UBN2: variants seen among roughly 807,000 people sequenced by gnomAD.
UBN2 encodes ubinuclein 2, also known as ubinuclein-2.
UBN2 carries 35 observed loss-of-function variants against 120.2 expected under a neutral mutation model. That is an observed-to-expected ratio of 0.29 (90% CI 0.22 to 0.39). The LOEUF (loss-of-function observed/expected upper bound fraction) is 0.39, where lower values mean the gene tolerates loss of function less well. UBN2 is among the 10% of genes least tolerant of loss of function. The pLI, the probability that UBN2 is intolerant of heterozygous loss-of-function variation, is 1.00. For synonymous variants in UBN2, 661 were observed against 648.7 expected (o/e 1.02, Z -0.29); for missense variants, 1,693 against 1,663.2 (o/e 1.02, Z -0.31).
intron 2 of UBN2, among the ~76,000 whole-genome samples, chr7:139,250,255 C>T: frequency 6.6e-6 from 1 of 151,860 alleles, no homozygotes; most frequent in Admixed American, 6.6e-5. Context: ...CTTTTGGAGA[C>T]AGAGTCTCGC....
chr7:139,311,100 T>C (rs1280446675), downstream of UBN2, among the ~76,000 whole-genome samples: 2 of 152,224 alleles, frequency 1.3e-5, no homozygotes, highest in East Asian at 3.8e-4. Flanking sequence ...CTTTGAGAAA[T>C]ACTTGAGAAA....
chr7:139,284,656 T>G, intron 15 of UBN2, 82 bp downstream of exon 15: 1 of 1,224,946 alleles, frequency 8.2e-7, no homozygotes, highest in African/African-American at 1.5e-5. Flanking sequence ...TAATAAGCTT[T>G]TTATGATATG....
chr7:139,284,237 A>G lies in UBN2; in HGVS notation c.3332A>G (p.His1111Arg). 1 of 1,614,172 alleles carries G rather than the reference A, an allele frequency of 6.2e-7. No individual in the cohort carries two copies. Among genetic ancestry groups the G allele is most frequent in the East Asian group, 2.2e-5 (1 of 44,886 alleles). ...GSHSSTNSPVHKQPSGMNISR... is the reference protein window; with the variant it reads ...GSHSSTNSPVRKQPSGMNISR... ...CACTCCAGCACTAACAGCCCAGTCC[A>G]TAAACAGCCCAGTGGAATGAACATC... Residue 1111 changes from histidine to arginine, a missense_variant, in exon 15 of 18, where the codon CAT becomes CGT. This residue lies in a region of UBN2 where 837 missense variants were observed against 817.6 expected (regional missense o/e 1.02). Transcript: ENST00000473989.
At chr7:139,252,092 A>G in intron 3 of UBN2, 35 bp downstream of exon 3, 1 of 1,549,274 alleles carries the variant, frequency 6.5e-7, no homozygotes, top group Non-Finnish European at 8.9e-7. Context: ...CAGCAAATTC[A>G]TTGTTTGTAT....
At chr7:139,269,806 CCTT>C (rs1797209848) in intron 8 of UBN2, among the ~76,000 whole-genome samples, 2 of 152,062 alleles carry the variant, frequency 1.3e-5, no homozygotes, top group South Asian at 4.1e-4. Context: ...TAAGTACTCA[CCTT>C]TTTTTTTTTC....
chr7:139,327,348 A>G, the UBN2 span, among the ~76,000 whole-genome samples: 2 of 152,224 alleles, frequency 1.3e-5, no homozygotes, highest in East Asian at 3.8e-4. Context: ...CCAACATTTT[A>G]TTATTTACTC....
chr7:139,293,908 G>A lies in UBN2; in HGVS notation c.3921G>A (p.Gln1307=), dbSNP rs1268791690. Residue 1307 remains glutamine, a synonymous_variant, in exon 17 of 18, where the codon CAG becomes CAA. Transcript: ENST00000473989. ...TCTCAGATTTACTAAAGGGTTTACA[G>A]CCAGGAGGAGCTCAGCATGCAGCAA... is the stretch of plus-strand genomic sequence containing the variant. ...SLTQNLLKGL[Q]PGGAQHAATL... 11 of 1,614,080 alleles carry A rather than the reference G, an allele frequency of 6.8e-6. No homozygotes were observed. The highest frequency in any genetic ancestry group is 9.3e-6 in the Non-Finnish European group (11 of 1,179,984).
intron 10 of UBN2, among the ~76,000 whole-genome samples, chr7:139,273,676 A>G (rs1226927277): frequency 6.6e-6 from 1 of 152,184 alleles, no homozygotes; most frequent in Non-Finnish European, 1.5e-5. Context: ...TACTTTCAAC[A>G]TATTTCTTCT....
chr7:139,260,332 A>G (rs181331697), intron 5 of UBN2, among the ~76,000 whole-genome samples: 2 of 151,694 alleles, frequency 1.3e-5, no homozygotes, highest in African/African-American at 4.9e-5. Context: ...TCCTGGGCTC[A>G]AGTGATTCAC....
the UBN2 span, among the ~76,000 whole-genome samples, chr7:139,322,519 C>T: frequency 6.6e-6 from 1 of 152,092 alleles, no homozygotes; most frequent in Admixed American, 6.6e-5. Flanking sequence ...GCCATGTCCC[C>T]TGGCCCTCTT....
At chr7:139,293,651 T>G in intron 16 of UBN2, 188 bp downstream of exon 16, 2 of 650,948 alleles carry the variant, frequency 3.1e-6, no homozygotes, top group Non-Finnish European at 5.2e-6. Context: ...ATATACAGTT[T>G]TTAAGCTATC....
At chr7:139,260,371 T>A (rs1296437630) in intron 5 of UBN2, among the ~76,000 whole-genome samples, 1 of 152,228 alleles carries the variant, frequency 6.6e-6, no homozygotes, top group Non-Finnish European at 1.5e-5. Context: ...GTGCTGAGAT[T>A]ACAGGCATGA....
Position 139,246,499 on chromosome 7 carries a change from G to C in UBN2, c.562-5457G>C, listed in dbSNP as rs530022702. Among the ~76,000 whole-genome samples the C allele has an allele frequency of 3.3e-4, 51 of 152,302 alleles. 2 individuals carry two copies. Among genetic ancestry groups the C allele is most frequent in the African/African-American group, 1.1e-3 (46 of 41,552 alleles). ...AGATATGGTTAATCATGGCAACAAA[G>C]ATTTATGGGGAGAGACACTTGGAAG... is the stretch of plus-strand genomic sequence containing the variant. On this transcript the variant is annotated intron_variant, in intron 2 of 17. Coordinates refer to ENST00000473989, the MANE Select transcript of UBN2 (RefSeq NM_173569.4).
At chr7:139,321,538 C>T in the UBN2 span, among the ~76,000 whole-genome samples, 1 of 152,172 alleles carries the variant, frequency 6.6e-6, no homozygotes, top group African/African-American at 2.4e-5. Flanking sequence ...GAAAGGGAGA[C>T]AGCCTTGTTC....
In UBN2 at chr7:139,231,781, C is replaced by T. The variant is rs2130916564; in HGVS notation, c.297C>T (p.Phe99=). The T allele has an allele frequency of 1.5e-6, 2 of 1,293,170 alleles. No individual in the cohort carries two copies. Among genetic ancestry groups the T allele is most frequent in the South Asian group, 2.5e-5 (1 of 39,942 alleles). 80.1% of individuals were successfully genotyped at this position (1,293,170 alleles called of 1,614,324 possible). Residue 99 remains phenylalanine, a synonymous_variant, in exon 1 of 18, where the codon TTC becomes TTT. Transcript: ENST00000473989. ...CGCGGCCCGAGCCGCCGCCGCCGTT[C>T]CCGCCGCTGCCCTTGCAGCCGCCCC... ...EPPRPEPPPP[F]PPLPLQPPPP...
At chr7:139,280,865 C>CTT (rs1393331585) in intron 13 of UBN2, among the ~76,000 whole-genome samples, 1 of 152,198 alleles carries the variant, frequency 6.6e-6, no homozygotes, top group East Asian at 1.9e-4. Context: ...AGGCTGCTCT[C>CTT]TAACTCCTGA....
intron 2 of UBN2, among the ~76,000 whole-genome samples, chr7:139,245,410 CTT>C (rs1466624410): frequency 6.6e-6 from 1 of 152,058 alleles, no homozygotes. Flanking sequence ...AGCTTTAAGT[CTT>C]TTATTTGCTC....
rs1445136308 is a variant in UBN2, at chr7:139,231,251, G to A, written c.-234G>A. Among the ~76,000 whole-genome samples the A allele has an allele frequency of 6.6e-6, 1 of 152,258 alleles. No homozygotes were observed. Among genetic ancestry groups the A allele is most frequent in the African/African-American group, 2.4e-5 (1 of 41,478 alleles). ...CGCTCAGCGGCCTGCTTCTATTTAT[G>A]TGGGGGATCCAACATGGCGGCCGCG... is the stretch of plus-strand genomic sequence containing the variant. On this transcript the variant is annotated 5_prime_UTR_variant, in exon 1 of 18. In the 5' UTR this introduces an upstream ATG that the reference lacks. Transcript: ENST00000473989.
rs1798363983 is a variant in UBN2 at position 139,306,635 on chromosome 7, T to C, written c.*8799T>C. The C allele has an allele frequency of 6.6e-6, 1 of 152,220 alleles. No individual in the cohort carries two copies. Among genetic ancestry groups the C allele is most frequent in the African/African-American group, 2.4e-5 (1 of 41,450 alleles). 9.4% of individuals were successfully genotyped at this position (152,220 alleles called of 1,614,324 possible). ...CCATGGCAAGCCTCCAGAGAAAAGA[T>C]TCAAGCTTTGCACTGCCCTTTTGTT... On this transcript the variant is annotated 3_prime_UTR_variant, in exon 18 of 18. Transcript: ENST00000473989.
Sources: gnomAD v4.1 joint callset for allele counts (sites outside exome capture counted in the v4.1 genomes callset) on GRCh38, gnomAD v4.1.1 for gene constraint, gnomAD v4.1.1 regional missense constraint, MANE v1.5 for transcripts, NCBI Gene and HGNC (gene_info 2026-07-23, HGNC 2026-07-21) for gene names.